Variants in APP observed in about 807,000 individuals in gnomAD.
APP encodes the protein amyloid-beta precursor protein.
APP carries 31 observed loss-of-function variants against 101.4 expected under a neutral mutation model. That is an observed-to-expected ratio of 0.31 (90% CI 0.23 to 0.41). The LOEUF (loss-of-function observed/expected upper bound fraction) is 0.41. APP is among the 10% of genes least tolerant of loss of function. APP has a pLI of 1.00. For synonymous variants in APP, 366 were observed against 364.4 expected (o/e 1.00, Z -0.05); for missense variants, 839 against 1,003.7 (o/e 0.84, Z 2.22).
intron 1 of APP, among the ~76,000 whole-genome samples, chr21:26,160,097 T>C (rs1315785206): frequency 6.6e-6 from 1 of 152,180 alleles, no homozygotes; most frequent in Non-Finnish European, 1.5e-5. Context: ...GCTTCTACTC[T>C]GTTTCAGCCA....
chr21:26,015,050 T>G (rs1313533807), intron 6 of APP, among the ~76,000 whole-genome samples: 1 of 152,224 alleles, frequency 6.6e-6, no homozygotes, highest in African/African-American at 2.4e-5. Flanking sequence ...ACAGTGTATA[T>G]TCACACAAAA....
At chr21:25,987,549 G>A (rs1182189380) in intron 8 of APP, among the ~76,000 whole-genome samples, 1 of 152,208 alleles carries the variant, frequency 6.6e-6, no homozygotes, top group Non-Finnish European at 1.5e-5. Context: ...TAGTGATCAT[G>A]TGTATCTAAA....
chr21:25,979,111 ATAGCAACAAAAATCTACAGGTT>A (rs1430111027), intron 9 of APP, among the ~76,000 whole-genome samples: 11 of 152,190 alleles, frequency 7.2e-5, no homozygotes, highest in Admixed American at 5.2e-4. Flanking sequence ...GTCACGACAT[ATAGCAACAAAAATCTACAGGTT>A]TAGCAACAAA....
At chr21:25,954,452 C>A (rs2041223642) in intron 13 of APP, 138 bp downstream of exon 13, 2 of 778,490 alleles carry the variant, frequency 2.6e-6, no homozygotes, top group East Asian at 5.4e-5. Flanking sequence ...TAAGCTAGTT[C>A]CAGCCTGACA....
chr21:26,117,596 C>T (rs184863269), intron 1 of APP, among the ~76,000 whole-genome samples: 157 of 152,264 alleles, frequency 1.0e-3, no homozygotes, highest in African/African-American at 3.4e-3. Flanking sequence ...CAACCTATTC[C>T]GTCAAGGGTT....
At chr21:26,031,398 G>A (rs1011564605) in intron 5 of APP, among the ~76,000 whole-genome samples, 1 of 152,124 alleles carries the variant, frequency 6.6e-6, no homozygotes, top group Admixed American at 6.5e-5. Flanking sequence ...AAAATAATTG[G>A]TTCTGTTAAG....
rs572801700 is a variant in APP at position 26,106,343 on chromosome 21, T to A, written c.225+5636A>T. ...ATCCCCCACACTACGATCCTTCCCA[T>A]CAGTGGGAGAAAATATTCTCCATAT... is the stretch of plus-strand genomic sequence containing the variant. On this transcript the variant is annotated intron_variant, in intron 2 of 17. Coordinates refer to ENST00000346798, the MANE Select transcript of APP (RefSeq NM_000484.4). 4.6e-5 allele frequency among the ~76,000 whole-genome samples: 7 copies of A among 152,276 alleles called. No individual in the cohort carries two copies. The South Asian group carries it at 1.4e-3, about 32-fold the overall frequency.
intron 2 of APP, among the ~76,000 whole-genome samples, chr21:26,093,634 C>A (rs2061874148): frequency 6.6e-6 from 1 of 152,082 alleles, no homozygotes; most frequent in South Asian, 2.1e-4. Context: ...AATTAAAATC[C>A]ATGAAGACGG....
intron 2 of APP, among the ~76,000 whole-genome samples, chr21:26,101,632 G>A (rs1179083775): frequency 6.6e-6 from 1 of 152,140 alleles, no homozygotes; most frequent in East Asian, 1.9e-4. Flanking sequence ...TGAATGAGGG[G>A]ATGGACAGGA....
intron 2 of APP, among the ~76,000 whole-genome samples, chr21:26,107,851 TTCA>T (rs2062219667): frequency 6.6e-6 from 1 of 152,192 alleles, no homozygotes; most frequent in Non-Finnish European, 1.5e-5. Context: ...CTGTGTTCTG[TTCA>T]TCAATGCACC....
In APP at chr21:26,096,195, A is replaced by G. The variant is rs537563476; in HGVS notation, c.226-6123T>C. ...CCTCTGCACACAGTGAAATAATGCTAACCCCTCTTACAGAATGTTTTCTGG... is the reference window on the plus strand; with the variant it reads ...CCTCTGCACACAGTGAAATAATGCTGACCCCTCTTACAGAATGTTTTCTGG... On this transcript the variant is annotated intron_variant, in intron 2 of 17. Coordinates refer to ENST00000346798, the MANE Select transcript of APP (RefSeq NM_000484.4). Among the ~76,000 whole-genome samples the G allele has an allele frequency of 2.6e-5, 4 of 152,324 alleles. 1 individual carries two copies. Among genetic ancestry groups the G allele is most frequent in the African/African-American group, 9.6e-5 (4 of 41,584 alleles).
At chr21:25,955,582 C>A (rs199902740) in intron 12 of APP, 45 bp downstream of exon 12, 3 of 1,613,464 alleles carry the variant, frequency 1.9e-6, no homozygotes, top group Middle Eastern at 1.6e-4. Flanking sequence ...AAGCAAGAAT[C>A]CTGGATTGTC....
intron 1 of APP, among the ~76,000 whole-genome samples, chr21:26,155,474 T>C (rs1396536404): frequency 6.6e-6 from 1 of 152,128 alleles, no homozygotes; most frequent in Non-Finnish European, 1.5e-5. Flanking sequence ...GATCTAACGG[T>C]CCTATTATAC....
intron 5 of APP, among the ~76,000 whole-genome samples, chr21:26,031,047 A>G (rs11909451): frequency 0.1 from 15,695 of 152,226 alleles, 1,272 homozygotes; most frequent in East Asian, 0.29. Flanking sequence ...CAAGTGTTAC[A>G]GAGAAAATGA....
chr21:25,948,262 TATAA>T (rs1322819301), intron 13 of APP, among the ~76,000 whole-genome samples: 3 of 152,000 alleles, frequency 2.0e-5, no homozygotes, highest in African/African-American at 7.2e-5. Flanking sequence ...TGGGAAGTGC[TATAA>T]ATATTCTATT....
chr21:26,022,167 A>T, intron 5 of APP, 125 bp from the exon 6 acceptor site: 2 of 1,142,408 alleles, frequency 1.8e-6, no homozygotes, highest in Non-Finnish European at 2.6e-6. Context: ...TCAATTCAGC[A>T]GGTCTAAGTA....
chr21:25,891,582 A>G (rs2037697708), intron 17 of APP, 140 bp downstream of exon 17: 1 of 856,974 alleles, frequency 1.2e-6, no homozygotes, highest in African/African-American at 1.7e-5. Context: ...ACAAGAAAGA[A>G]CAACTGTAAC....
At chr21:25,925,237 C>A (rs1229791600) in intron 13 of APP, among the ~76,000 whole-genome samples, 1 of 152,152 alleles carries the variant, frequency 6.6e-6, no homozygotes, top group East Asian at 1.9e-4. Context: ...ATTTAATTTT[C>A]CAATCAGCAG....
chr21:25,881,830 TGGA>T (rs1228790849), intron 17 of APP, 59 bp from the exon 18 acceptor site: 1 of 1,512,650 alleles, frequency 6.6e-7, no homozygotes, highest in East Asian at 2.3e-5. Context: ...AGGGTGAACA[TGGA>T]GAAGCAGTAA....
Sources: gnomAD v4.1 joint callset for allele counts (sites outside exome capture counted in the v4.1 genomes callset) on GRCh38, gnomAD v4.1.1 for gene constraint, MANE v1.5 for transcripts, NCBI Gene and HGNC (gene_info 2026-07-23, HGNC 2026-07-21) for gene names.